Variants in IRAK1BP1 observed in about 807,000 individuals in gnomAD.
IRAK1BP1 encodes the protein interleukin-1 receptor-associated kinase 1-binding protein 1.
A neutral mutation model predicts 28.0 loss-of-function variants in IRAK1BP1; 24 were observed. The observed-to-expected ratio is 0.86, with a 90% CI of 0.62 to 1.20. The LOEUF (loss-of-function observed/expected upper bound fraction) is 1.20, where lower values mean the gene tolerates loss of function less well. Among genes scored for constraint, IRAK1BP1 ranks in the 50% most tolerant of loss-of-function variants. The pLI, the probability that IRAK1BP1 is intolerant of heterozygous loss-of-function variation, is 0.00. For missense variants in IRAK1BP1, 336 were observed against 316.7 expected, an observed-to-expected ratio of 1.06 and a Z score of -0.46; for synonymous variants, 131 against 116.3, an observed-to-expected ratio of 1.13 and a Z score of -0.81.
At chr6:78,883,564 A>G (rs897589148) in intron 1 of IRAK1BP1, among the ~76,000 whole-genome samples, 13 of 152,110 alleles carry the variant, frequency 8.5e-5, no homozygotes, top group African/African-American at 2.4e-4. Context: ...AAGTTTATCA[A>G]GTGAAGTGGG....
intron 4 of IRAK1BP1, among the ~76,000 whole-genome samples, chr6:78,941,981 A>G (rs550822662): frequency 6.6e-6 from 1 of 152,246 alleles, no homozygotes; most frequent in South Asian, 2.1e-4. Context: ...AAATGCTATA[A>G]CTTAGATAAA....
At chr6:78,971,786 G>A in the IRAK1BP1 span, among the ~76,000 whole-genome samples, 87 of 152,256 alleles carry the variant, frequency 5.7e-4, no homozygotes, top group African/African-American at 2.0e-3. Context: ...CTGGAAAATC[G>A]GGTCACTCCC....
the IRAK1BP1 span, chr6:78,969,725 G>A: frequency 1.8e-6 from 1 of 548,134 alleles, no homozygotes; most frequent in African/African-American, 1.9e-5. Flanking sequence ...CCTACAAATA[G>A]CAAAAAGATT....
downstream of IRAK1BP1, among the ~76,000 whole-genome samples, chr6:78,950,737 G>C (rs1479840856): frequency 6.6e-6 from 1 of 152,020 alleles, no homozygotes; most frequent in Non-Finnish European, 1.5e-5. Context: ...CTCTTTATAA[G>C]CTGTGTAAAT....
At position 78,885,397 on chromosome 6, in the gene IRAK1BP1, CAA is replaced by C. The variant is rs766456823; in HGVS notation, c.337_338del (p.Lys113GlyfsTer3). 6.3e-7 allele frequency: 1 copy of C among 1,582,820 alleles called. No homozygotes were observed. The highest frequency in any genetic ancestry group is 1.4e-5 in the African/African-American group (1 of 73,946). On this transcript the variant is annotated frameshift_variant, in exon 2 of 4. Transcript: ENST00000369940. LOFTEE classifies it high-confidence loss of function. The stretch of plus-strand genomic sequence containing the variant: ...TTTCAGGCAGAAAATATAACTGTGA[CAA>C]AGGATTTTAGGAGAGTGGAAAATGC...
At chr6:78,974,516 T>G in the IRAK1BP1 span, among the ~76,000 whole-genome samples, 1 of 150,798 alleles carries the variant, frequency 6.6e-6, no homozygotes, top group Non-Finnish European at 1.5e-5. Flanking sequence ...AGGCAAGAAA[T>G]AACTAAGATC....
At chr6:78,892,716 G>A (rs1771707729) in intron 2 of IRAK1BP1, among the ~76,000 whole-genome samples, 1 of 152,084 alleles carries the variant, frequency 6.6e-6, no homozygotes, top group South Asian at 2.1e-4. Flanking sequence ...GGAGGGATGT[G>A]CAAGATATTA....
the IRAK1BP1 span, among the ~76,000 whole-genome samples, chr6:78,959,034 T>C: frequency 6.6e-6 from 1 of 152,082 alleles, no homozygotes; most frequent in African/African-American, 2.4e-5. Context: ...TCAAATGACA[T>C]ATACAAATGA....
intron 1 of IRAK1BP1, among the ~76,000 whole-genome samples, chr6:78,874,935 C>T (rs1300767508): frequency 1.3e-5 from 2 of 152,096 alleles, no homozygotes. Context: ...GCAAATGAAA[C>T]TATCAACAGA....
intron 2 of IRAK1BP1, among the ~76,000 whole-genome samples, chr6:78,893,026 T>G (rs9352673): frequency 0.9 from 136,837 of 151,504 alleles, 61,835 homozygotes; most frequent in African/African-American, 0.92. Context: ...ATCCAAACTT[T>G]ATGAGAATTA....
chr6:78,935,850 C>G, intron 4 of IRAK1BP1: 2 of 555,026 alleles, frequency 3.6e-6, no homozygotes, highest in Non-Finnish European at 4.6e-6. Flanking sequence ...AATAATAAAT[C>G]ATGAGGCTCT....
At chr6:78,871,491 C>T in intron 1 of IRAK1BP1, 1 of 985,470 alleles carries the variant, frequency 1.0e-6, no homozygotes, top group Non-Finnish European at 1.2e-6. Context: ...GGAGGTATTC[C>T]ACAGGAACAG....
At chr6:78,971,183 G>A in the IRAK1BP1 span, among the ~76,000 whole-genome samples, 7 of 152,068 alleles carry the variant, frequency 4.6e-5, no homozygotes, top group Admixed American at 1.3e-4. Flanking sequence ...GCATAATAAC[G>A]TTGACTAATA....
chr6:78,967,192 T>A, the IRAK1BP1 span, among the ~76,000 whole-genome samples: 1 of 152,074 alleles, frequency 6.6e-6, no homozygotes, highest in Admixed American at 6.5e-5. Flanking sequence ...TAAAAGAATA[T>A]GATAAAAAAG....
the IRAK1BP1 span, among the ~76,000 whole-genome samples, chr6:78,973,416 C>A: frequency 6.8e-6 from 1 of 147,628 alleles, no homozygotes; most frequent in Admixed American, 6.9e-5. Flanking sequence ...CCAGCCGCTG[C>A]AAAATCATGC....
chr6:78,973,206 G>A, the IRAK1BP1 span, among the ~76,000 whole-genome samples: 1 of 152,206 alleles, frequency 6.6e-6, no homozygotes, highest in African/African-American at 2.4e-5. Flanking sequence ...AGCCAGAAGA[G>A]AGTGGGGGCC....
At chr6:78,869,075 A>G (rs186388444) in intron 1 of IRAK1BP1, among the ~76,000 whole-genome samples, 94 of 152,370 alleles carry the variant, frequency 6.2e-4, no homozygotes, top group Middle Eastern at 3.4e-3. Flanking sequence ...AGAAAAATAC[A>G]GATAATTATA....
In IRAK1BP1 at chr6:78,902,991, G is replaced by C; in HGVS notation, c.*4657G>C. The C allele has an allele frequency of 6.8e-7, 1 of 1,461,966 alleles. No homozygotes were observed. 90.6% of individuals were successfully genotyped at this position (1,461,966 alleles called of 1,614,324 possible). A position where few individuals can be genotyped will look rare whatever the true frequency, so the allele number is the denominator to read the frequency against. On this transcript the variant is annotated 3_prime_UTR_variant, in exon 4 of 4. Coordinates refer to ENST00000369940, the MANE Select transcript of IRAK1BP1 (RefSeq NM_001010844.4). ...TTATCAGAAGGATATTTCTGTTTCA[G>C]CAACTCCTGGAATCCTTCTTCAACA... is the stretch of plus-strand genomic sequence containing the variant.
intron 4 of IRAK1BP1, chr6:78,939,119 TG>T (rs1157074803): frequency 6.6e-6 from 1 of 151,732 alleles, no homozygotes; most frequent in African/African-American, 2.4e-5. Flanking sequence ...ACAATAGAAA[TG>T]GTAAGTATGT....
Sources: allele counts gnomAD v4.1 joint callset (sites outside exome capture counted in the v4.1 genomes callset), GRCh38; gene constraint gnomAD v4.1.1; transcripts MANE v1.5; gene names NCBI Gene and HGNC (gene_info 2026-07-23, HGNC 2026-07-21).